GPR176: variants seen among roughly 807,000 people sequenced by gnomAD.
The protein encoded by GPR176 is G-protein coupled receptor 176.
GPR176 carries 26 observed loss-of-function variants against 35.4 expected under a neutral mutation model. The ratio of observed to expected loss-of-function variants is 0.74; its 90% CI spans 0.54 to 1.02. The LOEUF is 1.02. Ranked by LOEUF, GPR176 falls within the 50% of genes least tolerant of loss-of-function variation. The pLI, the probability that GPR176 is intolerant of heterozygous loss-of-function variation, is 0.00. For synonymous variants in GPR176, 278 were observed against 271.3 expected (o/e 1.02, Z -0.24); for missense variants, 597 against 665.3 (o/e 0.90, Z 1.13).
chr15:39,879,123 C>T (rs2032373514), intron 1 of GPR176, among the ~76,000 whole-genome samples: 1 of 152,236 alleles, frequency 6.6e-6, no homozygotes, highest in Non-Finnish European at 1.5e-5. Flanking sequence ...AATGGGTCAA[C>T]TATCATTTTA....
At chr15:39,847,172 G>C (rs1290393519) in intron 1 of GPR176, among the ~76,000 whole-genome samples, 1 of 151,962 alleles carries the variant, frequency 6.6e-6, no homozygotes, top group East Asian at 1.9e-4. Flanking sequence ...GAATTCTTAG[G>C]AAAATGTTCA....
chr15:39,868,627 G>A (rs1280758393), intron 1 of GPR176, among the ~76,000 whole-genome samples: 1 of 152,084 alleles, frequency 6.6e-6, no homozygotes, highest in African/African-American at 2.4e-5. Flanking sequence ...CACTTGCTGT[G>A]GGTTTTTTTA....
intron 1 of GPR176, among the ~76,000 whole-genome samples, chr15:39,917,004 G>C (rs889285750): frequency 1.3e-5 from 2 of 152,164 alleles, no homozygotes; most frequent in Non-Finnish European, 2.9e-5. Flanking sequence ...TACGTAGGCA[G>C]GGCATCATGG....
At chr15:39,905,593 G>GA (rs1307497957) in intron 1 of GPR176, among the ~76,000 whole-genome samples, 1 of 151,962 alleles carries the variant, frequency 6.6e-6, no homozygotes, top group African/African-American at 2.4e-5. Flanking sequence ...CCCTGTGTCA[G>GA]AAAAAATAAA....
chr15:39,868,504 T>TGGAACA (rs2031915761), intron 1 of GPR176, among the ~76,000 whole-genome samples: 1 of 152,190 alleles, frequency 6.6e-6, no homozygotes, highest in East Asian at 1.9e-4. Flanking sequence ...TGGGCACATC[T>TGGAACA]TCCCTGGAAC....
intron 1 of GPR176, among the ~76,000 whole-genome samples, chr15:39,852,578 A>C (rs556774065): frequency 3.9e-5 from 6 of 152,308 alleles, no homozygotes; most frequent in Admixed American, 3.3e-4. Flanking sequence ...TCATAGAGGA[A>C]TCCCAGATGG....
chr15:39,874,355 C>T (rs1293325908), intron 1 of GPR176, among the ~76,000 whole-genome samples: 1 of 152,188 alleles, frequency 6.6e-6, no homozygotes, highest in East Asian at 1.9e-4. Flanking sequence ...CCTGTGATAC[C>T]ATCCATTTTC....
At chr15:39,853,954 C>T (rs2031039428) in intron 1 of GPR176, among the ~76,000 whole-genome samples, 1 of 152,038 alleles carries the variant, frequency 6.6e-6, no homozygotes, top group Non-Finnish European at 1.5e-5. Flanking sequence ...TATTATTTAA[C>T]TCTAGGTGAA....
intron 1 of GPR176, among the ~76,000 whole-genome samples, chr15:39,828,554 C>T (rs752998763): frequency 1.4e-4 from 22 of 152,298 alleles, no homozygotes; most frequent in Non-Finnish European, 2.2e-4. Context: ...GTCAAAGAAT[C>T]AGCATCACTG....
At chr15:39,846,506 T>C (rs1040612669) in intron 1 of GPR176, among the ~76,000 whole-genome samples, 8 of 152,174 alleles carry the variant, frequency 5.3e-5, no homozygotes, top group African/African-American at 1.7e-4. Flanking sequence ...TCTTCTATCA[T>C]AGTGGTATCA....
chr15:39,844,507 T>C (rs1303368019), intron 1 of GPR176, among the ~76,000 whole-genome samples: 7 of 151,912 alleles, frequency 4.6e-5, no homozygotes, highest in Non-Finnish European at 1.5e-5. Flanking sequence ...AGAGGACCCC[T>C]GAAAAGAGAT....
At chr15:39,900,627 C>G (rs879700416) in intron 1 of GPR176, among the ~76,000 whole-genome samples, 2 of 152,294 alleles carry the variant, frequency 1.3e-5, no homozygotes, top group Admixed American at 1.3e-4. Flanking sequence ...TCAATTGGTC[C>G]TTCTGATCAC....
intron 1 of GPR176, among the ~76,000 whole-genome samples, chr15:39,867,601 A>T (rs2031881097): frequency 6.6e-6 from 1 of 152,142 alleles, no homozygotes; most frequent in African/African-American, 2.4e-5. Context: ...TGAAATCAGC[A>T]GATGCGGGGT....
intron 1 of GPR176, among the ~76,000 whole-genome samples, chr15:39,871,602 T>G (rs2032044988): frequency 6.6e-6 from 1 of 152,290 alleles, no homozygotes; most frequent in Non-Finnish European, 1.5e-5. Flanking sequence ...CCTTCTTCGA[T>G]TGTCACCTTG....
At position 39,908,554 on chromosome 15, in the gene GPR176, T is replaced by TC. The variant is rs201083216; in HGVS notation, c.172+11300_172+11301insG. 6.2e-4 allele frequency among the ~76,000 whole-genome samples: 94 copies of TC among 152,124 alleles called. 1 individual carries two copies. In the East Asian group the frequency reaches 0.017, roughly 28 times the overall value. ...TTAAGCAATAAAGGAGATTTTCTTTTTTTTTTTTTCTTTTTTTTGTTCATG... is the reference window on the plus strand; with the variant it reads ...TTAAGCAATAAAGGAGATTTTCTTTTCTTTTTTTTTCTTTTTTTTGTTCATG... On this transcript the variant is annotated intron_variant, in intron 1 of 2. Coordinates refer to ENST00000561100, the MANE Select transcript of GPR176 (RefSeq NM_007223.3).
intron 1 of GPR176, among the ~76,000 whole-genome samples, chr15:39,857,811 A>AT (rs2031326972): frequency 7.5e-6 from 1 of 133,540 alleles, no homozygotes; most frequent in Non-Finnish European, 1.8e-5. Context: ...TACTAAAAAT[A>AT]CAAAAAAAAA....
At chr15:39,860,063 G>C (rs553308393) in intron 1 of GPR176, among the ~76,000 whole-genome samples, 1 of 151,780 alleles carries the variant, frequency 6.6e-6, no homozygotes, top group South Asian at 2.1e-4. Flanking sequence ...TAGGCCACTT[G>C]TATTAATTCC....
chr15:39,814,383 A>G (rs1899761887), intron 1 of GPR176, among the ~76,000 whole-genome samples: 2 of 152,206 alleles, frequency 1.3e-5, no homozygotes, highest in Admixed American at 1.3e-4. Flanking sequence ...AAGTAATCAT[A>G]TCATCCCCTC....
intron 1 of GPR176, among the ~76,000 whole-genome samples, chr15:39,824,159 G>A (rs1477779870): frequency 6.6e-6 from 1 of 152,236 alleles, no homozygotes; most frequent in Non-Finnish European, 1.5e-5. Context: ...GTCTCGCCAT[G>A]TGACATGCTG....
Sources: gnomAD v4.1 joint callset for allele counts (sites outside exome capture counted in the v4.1 genomes callset) on GRCh38, gnomAD v4.1.1 for gene constraint, MANE v1.5 for transcripts, NCBI Gene and HGNC (gene_info 2026-07-23, HGNC 2026-07-21) for gene names.